Variants in BZW2 observed in about 807,000 individuals in gnomAD.
The protein encoded by BZW2 is basic leucine zipper and W2 domains 2.
In BZW2, 23 loss-of-function variants were observed where a neutral mutation model predicts 53.2. That is an observed-to-expected ratio of 0.43 (90% CI 0.31 to 0.61). BZW2 has a LOEUF of 0.61. Ranked by LOEUF, BZW2 falls within the 20% of genes least tolerant of loss-of-function variation. The probability of loss-of-function intolerance (pLI) is 0.09; values close to 1 mark genes in which losing one functional copy is unlikely to be tolerated. For synonymous variants in BZW2, 227 were observed against 186.4 expected (o/e 1.22, Z -1.77); for missense variants, 409 against 503.1 (o/e 0.81, Z 1.79).
At chr7:16,686,820 G>A (rs1467271394) in intron 6 of BZW2, 1 of 152,194 alleles carries the variant, frequency 6.6e-6, no homozygotes, top group East Asian at 1.9e-4. Context: ...GGAAAGAATA[G>A]TAAATTGAGA....
intron 10 of BZW2, among the ~76,000 whole-genome samples, chr7:16,703,623 C>T (rs533129361): frequency 6.6e-6 from 1 of 152,230 alleles, no homozygotes; most frequent in South Asian, 2.1e-4. Context: ...TACCTGTTTT[C>T]TGTCTCGTTT....
At chr7:16,701,795 A>T (rs1783676942) in intron 10 of BZW2, among the ~76,000 whole-genome samples, 1 of 152,204 alleles carries the variant, frequency 6.6e-6, no homozygotes, top group Non-Finnish European at 1.5e-5. Flanking sequence ...GAGATGAACA[A>T]AATATAGTCC....
intron 5 of BZW2, among the ~76,000 whole-genome samples, chr7:16,683,214 A>C (rs563488492): frequency 2.6e-4 from 40 of 152,304 alleles, no homozygotes; most frequent in African/African-American, 9.6e-4. Flanking sequence ...AAATAAAATA[A>C]AATTTTACAT....
chr7:16,667,695 G>A lies in BZW2; in HGVS notation c.58+2194G>A, dbSNP rs560758234. 5.3e-5 allele frequency among the ~76,000 whole-genome samples: 8 copies of A among 152,284 alleles called. No homozygotes were observed. In the South Asian group the frequency reaches 1.7e-3, roughly 32 times the overall value. On this transcript the variant is annotated intron_variant, in intron 2 of 11. Transcript: ENST00000258761. ...TCTGCTGGGAAGCTTCATGTTCAAA[G>A]TAAAATATAAAAATTAAAAAAAATT...
chr7:16,671,755 A>G (rs1782606719), intron 2 of BZW2, among the ~76,000 whole-genome samples: 1 of 152,050 alleles, frequency 6.6e-6, no homozygotes, highest in South Asian at 2.1e-4. Context: ...ACATGGCAAG[A>G]TCCTGTCTGT....
At chr7:16,688,736 G>A (rs931698515) in intron 6 of BZW2, 14 of 152,258 alleles carry the variant, frequency 9.2e-5, no homozygotes, top group African/African-American at 3.1e-4. Context: ...TTAGAAATTT[G>A]AAGTGTTCAT....
intron 6 of BZW2, chr7:16,688,703 C>T (rs941092869): frequency 6.6e-6 from 1 of 152,184 alleles, no homozygotes; most frequent in African/African-American, 2.4e-5. Flanking sequence ...CTTAACTCTT[C>T]ATTAAATAAC....
Position 16,674,517 on chromosome 7 carries a change from C to T in BZW2, c.164C>T (p.Thr55Ile). Residue 55 changes from threonine (T) to isoleucine (I), a missense_variant, in exon 3 of 12, where the codon ACA (threonine) becomes ATA (isoleucine). This residue lies in a region of BZW2 where 316 missense variants were observed against 366.8 expected (regional missense o/e 0.86). Coordinates refer to ENST00000258761, the MANE Select transcript of BZW2 (RefSeq NM_014038.3). Reference protein sequence around the residue: ...LEAVAKFLDSTGSRLDYRRYA... With the variant: ...LEAVAKFLDSIGSRLDYRRYA... ...GCTGTAGCCAAATTTCTGGACTCTA[C>T]AGGCTCAAGATTAGATTATCGTCGC... 3 of 1,613,024 alleles carry T rather than the reference C, an allele frequency of 1.9e-6. No homozygotes were observed. The highest frequency in any genetic ancestry group is 8.5e-7 in the Non-Finnish European group (1 of 1,179,306).
At position 16,686,359 on chromosome 7, in the gene BZW2, C is replaced by A. The variant is rs542339663; in HGVS notation, c.541+319C>A. 4.8e-5 allele frequency: 12 copies of A among 248,482 alleles called. No individual in the cohort carries two copies. The South Asian group carries it at 5.3e-4, about 11-fold the overall frequency. 15.4% of individuals were successfully genotyped at this position (248,482 alleles called of 1,614,324 possible). A position where few individuals can be genotyped will look rare whatever the true frequency, so the allele number is the denominator to read the frequency against. On this transcript the variant is annotated intron_variant, in intron 6 of 11. Transcript: ENST00000258761. ...TCGATCTGGTAATCTTTTTGCCCTT[C>A]GACACAAAATGGCAGCCTTTAACTT...
rs1406937067 is a variant in BZW2, at chr7:16,694,401, T to A, written c.652-433T>A. Among the ~76,000 whole-genome samples, 3 of 152,270 alleles carry A rather than the reference T, an allele frequency of 2.0e-5. No homozygotes were observed. In the East Asian group the frequency reaches 5.8e-4, roughly 29 times the overall value. On this transcript the variant is annotated intron_variant, in intron 7 of 11. Transcript: ENST00000258761. ...CTTCTTGCTGGTGGGGACTCTGCAG[T>A]GTCCCAGGAAGGCTCAGAGTATCAC...
chr7:16,706,023 C>T (rs768884853), intron 11 of BZW2, 37 bp from the exon 12 acceptor site: 1 of 1,612,550 alleles, frequency 6.2e-7, no homozygotes, highest in Admixed American at 1.7e-5. Flanking sequence ...TTAGAGGAAT[C>T]TGGGAGGAAA....
intron 1 of BZW2, among the ~76,000 whole-genome samples, chr7:16,656,553 GCGCACACACACA>G (rs1202196323): frequency 2.6e-4 from 31 of 119,918 alleles, no homozygotes; most frequent in African/African-American, 9.0e-4. Flanking sequence ...CAGCGCGCGC[GCGCACACACACA>G]CACACACACA....
chr7:16,669,621 TC>T (rs35309673), intron 2 of BZW2, among the ~76,000 whole-genome samples: 31,525 of 152,172 alleles, frequency 0.21, 3,925 homozygotes, highest in East Asian at 0.37. Flanking sequence ...CTCAGTGACA[TC>T]CAGAAAGGGA....
chr7:16,660,258 A>G (rs1418295276), intron 1 of BZW2, among the ~76,000 whole-genome samples: 1 of 151,992 alleles, frequency 6.6e-6, no homozygotes, highest in Non-Finnish European at 1.5e-5. Context: ...ATCAAAATAT[A>G]TAAAAAATTA....
intron 1 of BZW2, among the ~76,000 whole-genome samples, chr7:16,649,161 C>T (rs964965559): frequency 3.3e-5 from 5 of 152,126 alleles, no homozygotes; most frequent in Non-Finnish European, 5.9e-5. Flanking sequence ...ACTTTCTCAT[C>T]GCATTCTATT....
At chr7:16,686,199 A>G (rs1259495076) in intron 6 of BZW2, 159 bp downstream of exon 6, 4 of 1,145,932 alleles carry the variant, frequency 3.5e-6, no homozygotes, top group African/African-American at 1.6e-5. Flanking sequence ...TTCAAATAAT[A>G]AAAGGAGTGG....
intron 2 of BZW2, 51 bp downstream of exon 2, chr7:16,665,552 A>G: frequency 6.3e-7 from 1 of 1,591,790 alleles, no homozygotes; most frequent in Non-Finnish European, 8.6e-7. Context: ...ACCAAAATAT[A>G]AGATTGGAGA....
At chr7:16,657,337 G>A (rs1042771326) in intron 1 of BZW2, among the ~76,000 whole-genome samples, 2 of 152,116 alleles carry the variant, frequency 1.3e-5, no homozygotes, top group Admixed American at 1.3e-4. Context: ...ATAGAATATT[G>A]CATTTTGCTG....
intron 3 of BZW2, among the ~76,000 whole-genome samples, chr7:16,676,228 A>G (rs947079691): frequency 3.3e-5 from 5 of 152,122 alleles, no homozygotes; most frequent in Admixed American, 1.3e-4. Context: ...ATGATTCTAA[A>G]AAGAATTAAA....
Sources: gnomAD v4.1 joint callset for allele counts (sites outside exome capture counted in the v4.1 genomes callset) on GRCh38, gnomAD v4.1.1 for gene constraint, gnomAD v4.1.1 regional missense constraint, MANE v1.5 for transcripts, NCBI Gene and HGNC (gene_info 2026-07-23, HGNC 2026-07-21) for gene names.